Variants in NDST4 observed in about 807,000 individuals in gnomAD.
NDST4 encodes N-heparan sulfate sulfotransferase 4.
In NDST4, 63 loss-of-function variants were observed where a neutral mutation model predicts 100.8. The observed-to-expected ratio is 0.62, with a 90% CI of 0.51 to 0.77. The LOEUF is 0.77. Ranked by LOEUF, NDST4 falls within the 30% of genes least tolerant of loss-of-function variation. NDST4 has a pLI of 0.00. For missense variants in NDST4, 943 were observed against 1,018.4 expected, an observed-to-expected ratio of 0.93 and a Z score of 1.01; for synonymous variants, 377 against 361.8, an observed-to-expected ratio of 1.04 and a Z score of -0.48.
At chr4:115,082,817 C>T (rs1331290294) in intron 1 of NDST4, among the ~76,000 whole-genome samples, 2 of 152,040 alleles carry the variant, frequency 1.3e-5, no homozygotes, top group African/African-American at 4.8e-5. Flanking sequence ...TTAAGTGAAG[C>T]CAAAAACTTA....
At chr4:114,964,625 T>C (rs1726340038) in intron 4 of NDST4, among the ~76,000 whole-genome samples, 1 of 152,218 alleles carries the variant, frequency 6.6e-6, no homozygotes, top group South Asian at 2.1e-4. Flanking sequence ...ATTAACATGA[T>C]ATCTACCTTT....
intron 6 of NDST4, among the ~76,000 whole-genome samples, chr4:114,929,097 C>CCTCCATCG (rs1725450827): frequency 7.9e-6 from 1 of 126,426 alleles, no homozygotes; most frequent in African/African-American, 3.1e-5. Context: ...TCCATCCATC[C>CCTCCATCG]ATCCATCCAT....
intron 2 of NDST4, among the ~76,000 whole-genome samples, chr4:115,037,895 G>A (rs543372715): frequency 1.3e-5 from 2 of 152,116 alleles, no homozygotes; most frequent in Non-Finnish European, 2.9e-5. Flanking sequence ...AGTAGCAAGA[G>A]AAAAGGAAAG....
intron 1 of NDST4, among the ~76,000 whole-genome samples, chr4:115,104,775 A>C (rs1729804017): frequency 6.6e-6 from 1 of 152,142 alleles, no homozygotes; most frequent in African/African-American, 2.4e-5. Context: ...GAAAAAGGTG[A>C]CTTAGATCAT....
chr4:114,892,974 TGTGA>T (rs1308800871), intron 6 of NDST4, among the ~76,000 whole-genome samples: 1 of 152,086 alleles, frequency 6.6e-6, no homozygotes, highest in African/African-American at 2.4e-5. Context: ...GACTCCTGTT[TGTGA>T]GTGAGAACAT....
chr4:114,989,308 C>T (rs1296789985), intron 2 of NDST4, among the ~76,000 whole-genome samples: 1 of 152,158 alleles, frequency 6.6e-6, no homozygotes, highest in East Asian at 1.9e-4. Flanking sequence ...CTTTGGAGTT[C>T]TGTGACTGAC....
intron 2 of NDST4, among the ~76,000 whole-genome samples, chr4:115,025,019 A>C (rs1330670555): frequency 1.3e-5 from 2 of 152,206 alleles, no homozygotes; most frequent in Admixed American, 1.3e-4. Flanking sequence ...GTGACACGGC[A>C]CAAAGGCCCT....
chr4:115,027,279 G>C (rs778809153), intron 2 of NDST4, among the ~76,000 whole-genome samples: 1 of 152,068 alleles, frequency 6.6e-6, no homozygotes, highest in Non-Finnish European at 1.5e-5. Context: ...ACTTCATACC[G>C]TCTGGGATGG....
intron 1 of NDST4, among the ~76,000 whole-genome samples, chr4:115,112,921 T>A (rs928059800): frequency 1.3e-5 from 2 of 151,970 alleles, no homozygotes; most frequent in Non-Finnish European, 2.9e-5. Context: ...AACATACAAT[T>A]TCACATGTCT....
rs1221108713 is a variant in NDST4, at chr4:114,986,830, A to ATTTT, written c.979-9557_979-9556insAAAA. ...TATATATATATATATATATATATAT[A>ATTTT]TATTTTAATATACTATTCCTATAAG... is the stretch of plus-strand genomic sequence containing the variant. On this transcript the variant is annotated intron_variant, in intron 2 of 13. Transcript: ENST00000264363. Among the ~76,000 whole-genome samples the ATTTT allele has an allele frequency of 7.1e-3, 649 of 91,934 alleles. 25 individuals carry two copies. The highest frequency in any genetic ancestry group is 0.025 in the African/African-American group (587 of 23,298). The allele number at this position is 91,934 out of a possible 152,430, so 60.3% of individuals were successfully genotyped here.
intron 2 of NDST4, among the ~76,000 whole-genome samples, chr4:115,012,327 G>T (rs191830772): frequency 6.6e-6 from 1 of 151,742 alleles, no homozygotes; most frequent in Admixed American, 6.6e-5. Flanking sequence ...TAAAAGGCTG[G>T]GTTATCTGAT....
At chr4:114,969,321 GAAAAAAAAAAAAAA>G (rs70964334) in intron 4 of NDST4, among the ~76,000 whole-genome samples, 1 of 90,720 alleles carries the variant, frequency 1.1e-5, no homozygotes, top group Admixed American at 1.3e-4. Flanking sequence ...CTCAAAAAAA[GAAAAAAAAAAAAAA>G]AAAAAAAAAA....
chr4:115,093,208 G>T (rs1729552334), intron 1 of NDST4, among the ~76,000 whole-genome samples: 1 of 152,142 alleles, frequency 6.6e-6, no homozygotes, highest in South Asian at 2.1e-4. Context: ...TAGAGCGGTG[G>T]CTCATGCCTG....
intron 2 of NDST4, among the ~76,000 whole-genome samples, chr4:114,986,828 A>AC: frequency 8.9e-6 from 1 of 112,854 alleles, no homozygotes; most frequent in African/African-American, 3.6e-5. Flanking sequence ...ATATATATAT[A>AC]TATATTTTAA....
chr4:114,968,235 T>A (rs1484410467), intron 4 of NDST4, among the ~76,000 whole-genome samples: 1 of 152,214 alleles, frequency 6.6e-6, no homozygotes, highest in Non-Finnish European at 1.5e-5. Context: ...ACTTGCGCTA[T>A]GCTTCCAAAG....
chr4:115,087,570 G>T (rs1406595558), intron 1 of NDST4, among the ~76,000 whole-genome samples: 2 of 151,576 alleles, frequency 1.3e-5, no homozygotes, highest in African/African-American at 2.4e-5. Flanking sequence ...TATGCTAATG[G>T]AGTTCATGTG....
chr4:115,053,218 G>A (rs1190820740), intron 2 of NDST4, among the ~76,000 whole-genome samples: 1 of 152,042 alleles, frequency 6.6e-6, no homozygotes, highest in African/African-American at 2.4e-5. Context: ...ATAAAATTGT[G>A]TTGTCTTATT....
intron 2 of NDST4, among the ~76,000 whole-genome samples, chr4:115,058,701 C>T (rs560636812): frequency 2.6e-5 from 4 of 152,080 alleles, no homozygotes; most frequent in African/African-American, 4.8e-5. Flanking sequence ...AAGGCAACAA[C>T]GTTTGAAAGT....
intron 2 of NDST4, among the ~76,000 whole-genome samples, chr4:114,980,653 T>G (rs1380577639): frequency 1.3e-5 from 2 of 149,678 alleles, no homozygotes; most frequent in Non-Finnish European, 2.9e-5. Flanking sequence ...AAAAAATAAA[T>G]AAAGAAATAA....
Sources: allele counts gnomAD v4.1 joint callset (sites outside exome capture counted in the v4.1 genomes callset), GRCh38; gene constraint gnomAD v4.1.1; transcripts MANE v1.5; gene names NCBI Gene and HGNC (gene_info 2026-07-23, HGNC 2026-07-21).